The following ZFAND3 variants were observed in gnomAD, a reference collection of about 807,000 sequenced individuals.
ZFAND3 encodes AN1-type zinc finger protein 3.
ZFAND3 carries 10 observed loss-of-function variants against 29.6 expected under a neutral mutation model. The observed-to-expected ratio is 0.34, with a 90% CI of 0.21 to 0.57. The LOEUF is 0.57. Ranked by LOEUF, ZFAND3 falls within the 20% of genes least tolerant of loss-of-function variation. The pLI is 0.86. For missense variants in ZFAND3, 230 were observed against 304.5 expected (o/e 0.76, Z 1.82); for synonymous variants, 128 against 112.6 (o/e 1.14, Z -0.87).
chr6:37,850,808 A>G (rs1266504389), intron 1 of ZFAND3, among the ~76,000 whole-genome samples: 1 of 152,154 alleles, frequency 6.6e-6, no homozygotes, highest in East Asian at 1.9e-4. Flanking sequence ...TATGTTGCCA[A>G]GGCTGGTCTC....
intron 2 of ZFAND3, among the ~76,000 whole-genome samples, chr6:37,992,067 G>T (rs943293865): frequency 6.6e-6 from 1 of 152,046 alleles, no homozygotes; most frequent in African/African-American, 2.4e-5. Context: ...TTGCTGACTG[G>T]CTTTTTAAAA....
At chr6:37,916,791 T>C (rs1761262137) in intron 1 of ZFAND3, among the ~76,000 whole-genome samples, 1 of 152,252 alleles carries the variant, frequency 6.6e-6, no homozygotes, top group Admixed American at 6.5e-5. Context: ...GCTCCTGAAA[T>C]AAACATAAGT....
At chr6:37,970,177 A>G (rs907569732) in intron 2 of ZFAND3, among the ~76,000 whole-genome samples, 1 of 152,158 alleles carries the variant, frequency 6.6e-6, no homozygotes, top group African/African-American at 2.4e-5. Context: ...TATCATTAAA[A>G]TCAGAGAATT....
intron 1 of ZFAND3, among the ~76,000 whole-genome samples, chr6:37,872,968 G>A (rs1216537124): frequency 6.6e-6 from 1 of 152,210 alleles, no homozygotes; most frequent in East Asian, 1.9e-4. Context: ...TTAGCTTTTA[G>A]AAAATTGGGG....
intron 2 of ZFAND3, among the ~76,000 whole-genome samples, chr6:38,049,870 TCCCCCACCCCCA>T (rs574485984): frequency 9.0e-6 from 1 of 110,822 alleles, no homozygotes; most frequent in African/African-American, 3.6e-5. Context: ...CTCTCCTCGC[TCCCCCACCCCCA>T]CCCCCACCCC....
chr6:38,029,728 A>T (rs1420848599), intron 2 of ZFAND3, among the ~76,000 whole-genome samples: 2 of 152,188 alleles, frequency 1.3e-5, no homozygotes, highest in Admixed American at 1.3e-4. Flanking sequence ...GTCATCAGGG[A>T]AATACAAAGA....
intron 1 of ZFAND3, among the ~76,000 whole-genome samples, chr6:37,858,652 A>G (rs1764426442): frequency 6.6e-6 from 1 of 152,188 alleles, no homozygotes; most frequent in African/African-American, 2.4e-5. Flanking sequence ...TCCTGATTTG[A>G]ACACAAAAGA....
chr6:37,940,529 T>C (rs886776462), intron 2 of ZFAND3, among the ~76,000 whole-genome samples: 3 of 152,232 alleles, frequency 2.0e-5, no homozygotes, highest in African/African-American at 7.2e-5. Context: ...AACTGTATGT[T>C]AACAGTCTTA....
chr6:37,935,700 T>C (rs1761686193), intron 2 of ZFAND3, among the ~76,000 whole-genome samples: 2 of 152,354 alleles, frequency 1.3e-5, no homozygotes, highest in South Asian at 4.1e-4. Context: ...ACTATTATGA[T>C]TTTAAGTTTG....
intron 5 of ZFAND3, among the ~76,000 whole-genome samples, chr6:38,151,828 C>G (rs780131420): frequency 6.6e-6 from 1 of 152,100 alleles, no homozygotes; most frequent in Non-Finnish European, 1.5e-5. Flanking sequence ...TCTCCTGCCT[C>G]CTAGAAATGG....
chr6:38,060,051 T>C (rs1168296333), intron 2 of ZFAND3, among the ~76,000 whole-genome samples: 1 of 152,146 alleles, frequency 6.6e-6, no homozygotes, highest in Admixed American at 6.5e-5. Flanking sequence ...AACACAAGTT[T>C]GAACTTTGTA....
chr6:38,144,199 A>AT (rs1301867769), intron 5 of ZFAND3, among the ~76,000 whole-genome samples: 538 of 35,248 alleles, frequency 0.015, 23 homozygotes, highest in African/African-American at 0.074. Context: ...ATATATATAT[A>AT]TATATATATA....
chr6:37,847,393 G>A (rs1251933061), intron 1 of ZFAND3, among the ~76,000 whole-genome samples: 1 of 151,978 alleles, frequency 6.6e-6, no homozygotes, highest in Non-Finnish European at 1.5e-5. Context: ...GGCCAGCATG[G>A]TGAAACCCTG....
At chr6:38,140,541 G>A (rs1019201766) in intron 5 of ZFAND3, among the ~76,000 whole-genome samples, 3 of 152,180 alleles carry the variant, frequency 2.0e-5, no homozygotes, top group Non-Finnish European at 2.9e-5. Flanking sequence ...CCAGGCTAGA[G>A]TGCAGTGGCT....
chr6:37,826,839 G>A (rs1488463125), intron 1 of ZFAND3, among the ~76,000 whole-genome samples: 3 of 152,100 alleles, frequency 2.0e-5, no homozygotes, highest in Non-Finnish European at 4.4e-5. Flanking sequence ...TTAGCTGTAA[G>A]TAATAATTTA....
At chr6:38,136,596 C>T (rs1036138823) in intron 5 of ZFAND3, among the ~76,000 whole-genome samples, 2 of 152,200 alleles carry the variant, frequency 1.3e-5, no homozygotes, top group Non-Finnish European at 2.9e-5. Flanking sequence ...CTTGCTTTTG[C>T]TCTAGGCCAC....
intron 1 of ZFAND3, among the ~76,000 whole-genome samples, chr6:37,924,862 A>T (rs1336486279): frequency 6.6e-6 from 1 of 152,054 alleles, no homozygotes; most frequent in Non-Finnish European, 1.5e-5. Flanking sequence ...AGGGAAGGCC[A>T]GTGAGGAGGT....
At chr6:37,942,269 A>T (rs977879133) in intron 2 of ZFAND3, among the ~76,000 whole-genome samples, 2 of 139,040 alleles carry the variant, frequency 1.4e-5, no homozygotes, top group East Asian at 3.9e-4. Flanking sequence ...TCATATATAT[A>T]TATTTTTTTT....
chr6:37,844,278 C>T (rs747433232), intron 1 of ZFAND3, among the ~76,000 whole-genome samples: 16 of 150,476 alleles, frequency 1.1e-4, no homozygotes, highest in South Asian at 2.1e-4. Flanking sequence ...GTCTTTCTTT[C>T]CTTCTCTGTC....
Sources: allele counts gnomAD v4.1 joint callset (sites outside exome capture counted in the v4.1 genomes callset), GRCh38; gene constraint gnomAD v4.1.1; transcripts MANE v1.5; gene names NCBI Gene and HGNC (gene_info 2026-07-23, HGNC 2026-07-21).